INPP4B: variants seen among roughly 807,000 people sequenced by gnomAD.
INPP4B encodes inositol polyphosphate-4-phosphatase type II B, also known as inositol polyphosphate 4-phosphatase type II.
A neutral mutation model predicts 122.5 loss-of-function variants in INPP4B; 55 were observed. The ratio of observed to expected loss-of-function variants is 0.45; its 90% CI spans 0.36 to 0.56. The LOEUF (loss-of-function observed/expected upper bound fraction) is 0.56. INPP4B is among the 20% of genes least tolerant of loss of function. The pLI is 0.00. For missense variants in INPP4B, 1,000 were observed against 1,097.7 expected, an observed-to-expected ratio of 0.91 and a Z score of 1.26; for synonymous variants, 403 against 388.7, an observed-to-expected ratio of 1.04 and a Z score of -0.43.
chr4:142,746,225 AAT>A (rs1439267055), intron 1 of INPP4B, among the ~76,000 whole-genome samples: 62 of 152,072 alleles, frequency 4.1e-4, no homozygotes, highest in Admixed American at 3.3e-3. Flanking sequence ...CCTTTACACT[AAT>A]AATAGACAAA....
rs187494069 is a variant in INPP4B at position 142,718,320 on chromosome 4, T to C, written c.-191+7519A>G. Among the ~76,000 whole-genome samples, 728 of 152,314 alleles carry C rather than the reference T, an allele frequency of 4.8e-3. 4 individuals carry two copies. The highest frequency in any genetic ancestry group is 7.0e-3 in the Non-Finnish European group (479 of 68,030). ...TAGAAATGGAAGTTAGCTTTTTAAG[T>C]GTAGTTAAAACAGTTTGTTTAAAAC... On this transcript the variant is annotated intron_variant, in intron 2 of 25. Transcript: ENST00000262992.
rs1302398646 is a variant in INPP4B at position 142,416,054 on chromosome 4, AATG to A, written c.137-10733_137-10731del. On this transcript the variant is annotated intron_variant, in intron 5 of 25. Transcript: ENST00000262992. ...GCATTAGGAGATATACCTAATGCTA[AATG>A]ATGAGTTAATGGGTGCAGCACACGA... Among the ~76,000 whole-genome samples, 38 of 152,194 alleles carry A rather than the reference AATG, an allele frequency of 2.5e-4. 1 individual carries two copies. The highest frequency in any genetic ancestry group is 1.8e-3 in the Admixed American group (28 of 15,300).
intron 7 of INPP4B, among the ~76,000 whole-genome samples, chr4:142,320,297 A>G (rs1269890076): frequency 1.3e-5 from 2 of 152,174 alleles, no homozygotes; most frequent in Non-Finnish European, 2.9e-5. Flanking sequence ...ACTAGGCTAT[A>G]TAATATGACC....
rs866646998 is a variant in INPP4B at position 142,293,040 on chromosome 4, C to T, written c.503+12418G>A. Among the ~76,000 whole-genome samples the T allele has an allele frequency of 1.3e-4, 19 of 145,964 alleles. 1 individual carries two copies. The highest frequency in any genetic ancestry group is 8.1e-4 in the East Asian group (4 of 4,922). On this transcript the variant is annotated intron_variant, in intron 9 of 25. Transcript: ENST00000262992. ...AAGGTAATTACCTAATTTTTATACCCTTTTTTTTTTTTTTTAAGACAGAGT... is the reference window on the plus strand; with the variant it reads ...AAGGTAATTACCTAATTTTTATACCTTTTTTTTTTTTTTTTAAGACAGAGT...
chr4:142,190,787 GA>G (rs1835473838), intron 15 of INPP4B, among the ~76,000 whole-genome samples: 1 of 151,184 alleles, frequency 6.6e-6, no homozygotes, highest in East Asian at 1.9e-4. Context: ...GAAAAGTGAA[GA>G]AAAATGAAGG....
chr4:142,056,076 G>T (rs1385250123), intron 25 of INPP4B, among the ~76,000 whole-genome samples: 2 of 151,870 alleles, frequency 1.3e-5, no homozygotes, highest in Admixed American at 6.6e-5. Flanking sequence ...AATAGGGTTT[G>T]AGTTCCTATG....
intron 14 of INPP4B, among the ~76,000 whole-genome samples, chr4:142,196,391 T>G (rs961063537): frequency 1.3e-5 from 2 of 152,092 alleles, no homozygotes; most frequent in Non-Finnish European, 2.9e-5. Context: ...GCTTAACATA[T>G]TCTAACGCTT....
chr4:142,705,618 C>A (rs959393946), intron 2 of INPP4B, among the ~76,000 whole-genome samples: 8 of 152,064 alleles, frequency 5.3e-5, no homozygotes, highest in Non-Finnish European at 1.0e-4. Flanking sequence ...CCTAATGGTT[C>A]CGAGCATGAG....
intron 25 of INPP4B, among the ~76,000 whole-genome samples, chr4:142,055,223 G>T (rs1756970296): frequency 6.6e-6 from 1 of 152,070 alleles, no homozygotes; most frequent in African/African-American, 2.4e-5. Flanking sequence ...ATTAAAGTTT[G>T]ATGGTTAAAT....
At chr4:142,313,677 A>G (rs1766399782) in intron 8 of INPP4B, among the ~76,000 whole-genome samples, 1 of 152,202 alleles carries the variant, frequency 6.6e-6, no homozygotes, top group South Asian at 2.1e-4. Context: ...TTGGTAGTAG[A>G]AGTGAATGGC....
At chr4:142,149,457 T>C (rs1300442971) in intron 17 of INPP4B, among the ~76,000 whole-genome samples, 1 of 152,176 alleles carries the variant, frequency 6.6e-6, no homozygotes, top group Non-Finnish European at 1.5e-5. Context: ...ATAAATGGAC[T>C]AGAACTTCCA....
chr4:142,541,987 T>C (rs1378331072), intron 2 of INPP4B, among the ~76,000 whole-genome samples: 1 of 152,212 alleles, frequency 6.6e-6, no homozygotes, highest in Admixed American at 6.5e-5. Flanking sequence ...CCTCTGGGGA[T>C]ACTGCTTCCC....
chr4:142,416,370 C>A (rs1805772668), intron 5 of INPP4B, among the ~76,000 whole-genome samples: 1 of 152,018 alleles, frequency 6.6e-6, no homozygotes, highest in African/African-American at 2.4e-5. Context: ...GCATGCTTTC[C>A]CAAACCAAAA....
At chr4:142,554,341 C>T (rs1249362053) in intron 2 of INPP4B, among the ~76,000 whole-genome samples, 2 of 134,834 alleles carry the variant, frequency 1.5e-5, no homozygotes, top group African/African-American at 5.7e-5. Flanking sequence ...TAGTCCAGTA[C>T]TATTATTTTC....
At chr4:142,807,461 A>G (rs1248998444) in intron 1 of INPP4B, among the ~76,000 whole-genome samples, 1 of 152,200 alleles carries the variant, frequency 6.6e-6, no homozygotes, top group East Asian at 1.9e-4. Context: ...GGGGGAGGGC[A>G]ATGATCAAAC....
At chr4:142,168,497 T>C (rs1282206741) in intron 16 of INPP4B, among the ~76,000 whole-genome samples, 3 of 151,560 alleles carry the variant, frequency 2.0e-5, no homozygotes. Flanking sequence ...TCAAGCCTTG[T>C]TTTCAAACCT....
chr4:142,075,131 T>G (rs1769881734), intron 25 of INPP4B, among the ~76,000 whole-genome samples: 1 of 152,074 alleles, frequency 6.6e-6, no homozygotes, highest in Admixed American at 6.6e-5. Flanking sequence ...TAGTGGCTAT[T>G]ATAATTTCAA....
intron 7 of INPP4B, among the ~76,000 whole-genome samples, chr4:142,381,253 G>A (rs1441082794): frequency 6.6e-6 from 1 of 152,048 alleles, no homozygotes; most frequent in Non-Finnish European, 1.5e-5. Flanking sequence ...CATCCTGCCA[G>A]CAATGGTTTT....
chr4:142,340,276 C>T (rs558321456), intron 7 of INPP4B, among the ~76,000 whole-genome samples: 3 of 152,154 alleles, frequency 2.0e-5, no homozygotes, highest in Admixed American at 6.5e-5. Context: ...TCTCTTGCTC[C>T]CCATCTTACT....
Sources: gnomAD v4.1 joint callset for allele counts (sites outside exome capture counted in the v4.1 genomes callset) on GRCh38, gnomAD v4.1.1 for gene constraint, MANE v1.5 for transcripts, NCBI Gene and HGNC (gene_info 2026-07-23, HGNC 2026-07-21) for gene names.